The following GALNT17 variants were observed in gnomAD, a reference collection of about 807,000 sequenced individuals.
GALNT17 encodes polypeptide N-acetylgalactosaminyltransferase 17.
A neutral mutation model predicts 63.7 loss-of-function variants in GALNT17; 29 were observed. The ratio of observed to expected loss-of-function variants is 0.46; its 90% CI spans 0.34 to 0.62. The LOEUF (loss-of-function observed/expected upper bound fraction) is 0.62. Ranked by LOEUF, GALNT17 falls within the 20% of genes least tolerant of loss-of-function variation. The probability of loss-of-function intolerance (pLI) is 0.01; values close to 1 mark genes in which losing one functional copy is unlikely to be tolerated. For missense variants in GALNT17, 603 were observed against 799.6 expected (o/e 0.75, Z 2.97); for synonymous variants, 305 against 318.3 (o/e 0.96, Z 0.45).
At chr7:71,568,875 C>A (rs1357445752) in intron 5 of GALNT17, among the ~76,000 whole-genome samples, 5 of 152,172 alleles carry the variant, frequency 3.3e-5, no homozygotes, top group Admixed American at 1.3e-4. Flanking sequence ...CATCATACAA[C>A]ATTGCAATGA....
At chr7:71,291,213 G>A (rs538537999) in intron 1 of GALNT17, among the ~76,000 whole-genome samples, 1 of 152,282 alleles carries the variant, frequency 6.6e-6, no homozygotes, top group African/African-American at 2.4e-5. Context: ...TAGCAGAGTC[G>A]TTAATTTGTA....
At chr7:71,431,207 TTC>T (rs528426810) in intron 5 of GALNT17, among the ~76,000 whole-genome samples, 4 of 37,678 alleles carry the variant, frequency 1.1e-4, no homozygotes, top group Non-Finnish European at 4.3e-4. Flanking sequence ...TTCTTTTCTT[TTC>T]TTTTTTTTTT....
intron 1 of GALNT17, among the ~76,000 whole-genome samples, chr7:71,208,346 G>C (rs1015477552): frequency 2.6e-5 from 4 of 151,740 alleles, no homozygotes; most frequent in African/African-American, 9.7e-5. Flanking sequence ...ACAGATTACT[G>C]TAACCAAAAG....
intron 6 of GALNT17, among the ~76,000 whole-genome samples, chr7:71,587,056 G>A (rs10950268): frequency 0.25 from 38,358 of 151,700 alleles, 4,957 homozygotes; most frequent in Admixed American, 0.27. Context: ...TTGAAACAAA[G>A]TCAATCTGTC....
chr7:71,336,872 G>T (rs1474986376), intron 2 of GALNT17, among the ~76,000 whole-genome samples: 1 of 152,150 alleles, frequency 6.6e-6, no homozygotes, highest in East Asian at 1.9e-4. Context: ...GGATTGCTGG[G>T]TCAAATGGGT....
At chr7:71,477,595 A>G (rs540569920) in intron 5 of GALNT17, among the ~76,000 whole-genome samples, 2 of 152,174 alleles carry the variant, frequency 1.3e-5, no homozygotes, top group African/African-American at 4.8e-5. Context: ...TCAGCTACTC[A>G]AGAGGATTGC....
chr7:71,389,821 A>C (rs1394288575), intron 3 of GALNT17, among the ~76,000 whole-genome samples: 1 of 152,202 alleles, frequency 6.6e-6, no homozygotes, highest in Non-Finnish European at 1.5e-5. Context: ...CTTAAGTAGA[A>C]GTGAGTGGTG....
intron 5 of GALNT17, among the ~76,000 whole-genome samples, chr7:71,495,595 C>T (rs1042793873): frequency 1.3e-5 from 2 of 152,108 alleles, no homozygotes; most frequent in Non-Finnish European, 2.9e-5. Flanking sequence ...AGTGCAGGGC[C>T]GAGGTCTGAT....
intron 1 of GALNT17, among the ~76,000 whole-genome samples, chr7:71,216,023 A>G (rs796656550): frequency 1.7e-4 from 25 of 151,442 alleles, no homozygotes; most frequent in African/African-American, 5.8e-4. Context: ...AGCCTAGGCA[A>G]TATCATGAGA....
chr7:71,419,999 G>A (rs1369475793), intron 4 of GALNT17, among the ~76,000 whole-genome samples: 1 of 152,192 alleles, frequency 6.6e-6, no homozygotes, highest in Non-Finnish European at 1.5e-5. Context: ...TATTCTTCCC[G>A]ATAATGCAGA....
At chr7:71,672,556 G>A (rs1327608027) in intron 8 of GALNT17, among the ~76,000 whole-genome samples, 1 of 150,070 alleles carries the variant, frequency 6.7e-6, no homozygotes, top group African/African-American at 2.5e-5. Context: ...AGCTTTGCAA[G>A]TTAAGTTAAT....
chr7:71,153,949 AAAAAT>A (rs758791939), intron 1 of GALNT17, among the ~76,000 whole-genome samples: 68 of 132,308 alleles, frequency 5.1e-4, no homozygotes, highest in Non-Finnish European at 8.1e-4. Flanking sequence ...TAAAAAATAA[AAAAAT>A]AAAAATGTAT....
intron 1 of GALNT17, among the ~76,000 whole-genome samples, chr7:71,208,330 C>T (rs1342287178): frequency 6.6e-6 from 1 of 152,166 alleles, no homozygotes; most frequent in Non-Finnish European, 1.5e-5. Context: ...AAGGAGCCTC[C>T]CATTCACAGA....
At chr7:71,339,880 A>G (rs549358145) in intron 2 of GALNT17, among the ~76,000 whole-genome samples, 10 of 152,292 alleles carry the variant, frequency 6.6e-5, no homozygotes, top group Admixed American at 2.0e-4. Flanking sequence ...CTGAAACCCT[A>G]TTAAAATGAT....
chr7:71,621,357 C>G (rs1790286123), intron 6 of GALNT17, among the ~76,000 whole-genome samples: 2 of 152,104 alleles, frequency 1.3e-5, no homozygotes, highest in South Asian at 2.1e-4. Flanking sequence ...GCATCTATGT[C>G]GATTTTATTC....
intron 3 of GALNT17, among the ~76,000 whole-genome samples, chr7:71,398,688 G>A (rs566934209): frequency 8.5e-5 from 13 of 152,120 alleles, no homozygotes; most frequent in Non-Finnish European, 1.9e-4. Flanking sequence ...GGGTGGAGGG[G>A]GAATGGGGAG....
At chr7:71,353,932 G>T (rs889100517) in intron 2 of GALNT17, among the ~76,000 whole-genome samples, 1 of 152,122 alleles carries the variant, frequency 6.6e-6, no homozygotes, top group African/African-American at 2.4e-5. Flanking sequence ...CTGGGCCTCC[G>T]GGGAGGCCTC....
intron 6 of GALNT17, among the ~76,000 whole-genome samples, chr7:71,584,945 G>A (rs1789693696): frequency 1.3e-5 from 2 of 151,974 alleles, no homozygotes; most frequent in African/African-American, 2.4e-5. Context: ...TAGTAGAGAC[G>A]GGGTCTTCTC....
intron 5 of GALNT17, among the ~76,000 whole-genome samples, chr7:71,568,575 G>A (rs944143319): frequency 3.9e-5 from 6 of 152,070 alleles, no homozygotes; most frequent in Non-Finnish European, 8.8e-5. Flanking sequence ...GTGAGAACAT[G>A]CGGTCTTTGG....
Sources: allele counts gnomAD v4.1 joint callset (sites outside exome capture counted in the v4.1 genomes callset), GRCh38; gene constraint gnomAD v4.1.1; transcripts MANE v1.5; gene names NCBI Gene and HGNC (gene_info 2026-07-23, HGNC 2026-07-21).